Variants in EIF3H observed in about 807,000 individuals in gnomAD.
EIF3H encodes the protein eukaryotic translation initiation factor 3 subunit H.
EIF3H carries 26 observed loss-of-function variants against 44.2 expected under a neutral mutation model. The ratio of observed to expected loss-of-function variants is 0.59; its 90% CI spans 0.43 to 0.82. The LOEUF is 0.82. Among genes scored for constraint, EIF3H ranks in the 40% least tolerant of loss-of-function variants. EIF3H has a pLI of 0.00. For synonymous variants in EIF3H, 166 were observed against 151.9 expected (o/e 1.09, Z -0.68); for missense variants, 359 against 432.8 (o/e 0.83, Z 1.51).
rs903871543 is a variant in EIF3H at position 116,746,771 on chromosome 8, T to C, written c.132+8895A>G. 5.3e-5 allele frequency among the ~76,000 whole-genome samples: 8 copies of C among 152,170 alleles called. 1 individual carries two copies. The highest frequency in any genetic ancestry group is 4.6e-4 in the Admixed American group (7 of 15,282). ...TACTTGCCTAAGCAAAAAATATAAC[T>C]AAGCAATCAAAATGTCAGACTGCAT... On this transcript the variant is annotated intron_variant, in intron 1 of 7. Transcript: ENST00000521861.
intron 2 of EIF3H, among the ~76,000 whole-genome samples, chr8:116,717,529 T>C (rs1001661530): frequency 6.6e-6 from 1 of 152,088 alleles, no homozygotes; most frequent in African/African-American, 2.4e-5. Flanking sequence ...CAAAACAGTA[T>C]GGTACTGGTA....
At chr8:116,667,611 T>A (rs1354450531) in intron 2 of EIF3H, among the ~76,000 whole-genome samples, 5 of 152,196 alleles carry the variant, frequency 3.3e-5, no homozygotes, top group African/African-American at 1.2e-4. Flanking sequence ...CTATCAGAAG[T>A]GAGCACTAAA....
At chr8:116,760,148 AC>A (rs1309033764), upstream of EIF3H, among the ~76,000 whole-genome samples, 1 of 152,036 alleles carries the variant, frequency 6.6e-6, no homozygotes, top group Non-Finnish European at 1.5e-5. Flanking sequence ...TTACTTCATG[AC>A]TCTCTGGACT....
chr8:116,700,066 A>G (rs1052625944), intron 2 of EIF3H, among the ~76,000 whole-genome samples: 2 of 152,310 alleles, frequency 1.3e-5, no homozygotes, highest in African/African-American at 2.4e-5. Context: ...TTGGCCTCCC[A>G]AAGTGTTGGG....
chr8:116,664,299 T>G (rs1813631485), intron 2 of EIF3H, among the ~76,000 whole-genome samples: 1 of 152,210 alleles, frequency 6.6e-6, no homozygotes, highest in Non-Finnish European at 1.5e-5. Context: ...GCCACATTTG[T>G]TGGGCTTTCT....
At position 116,755,649 on chromosome 8, in the gene EIF3H, A is replaced by G; in HGVS notation, c.132+17T>C. 1.2e-6 allele frequency: 2 copies of G among 1,613,916 alleles called. No homozygotes were observed. The highest frequency in any genetic ancestry group is 1.7e-6 in the Non-Finnish European group (2 of 1,179,902). On this transcript the variant is annotated intron_variant, in intron 1 of 7. Coordinates refer to ENST00000521861, the MANE Select transcript of EIF3H (RefSeq NM_003756.3). ...TGCGCTCCCCACGTGGGCCAGAGGAAAAAGAACAGCACTCACAAGGCCATC... is the reference window on the plus strand; with the variant it reads ...TGCGCTCCCCACGTGGGCCAGAGGAGAAAGAACAGCACTCACAAGGCCATC...
chr8:116,748,321 TAACCA>T (rs1245488270), intron 1 of EIF3H, among the ~76,000 whole-genome samples: 1 of 152,160 alleles, frequency 6.6e-6, no homozygotes, highest in Non-Finnish European at 1.5e-5. Context: ...ACAAAAAATT[TAACCA>T]AACAACACAA....
intron 2 of EIF3H, among the ~76,000 whole-genome samples, chr8:116,718,965 A>G (rs1223115234): frequency 6.6e-6 from 1 of 152,110 alleles, no homozygotes; most frequent in Admixed American, 6.6e-5. Context: ...TGAAAATGCT[A>G]ATTGTGATAA....
At chr8:116,653,942 T>C (rs1190556215) in intron 5 of EIF3H, among the ~76,000 whole-genome samples, 1 of 152,246 alleles carries the variant, frequency 6.6e-6, no homozygotes, top group Admixed American at 6.5e-5. Flanking sequence ...TTTAAGCACC[T>C]GCATAAGAAT....
intron 2 of EIF3H, among the ~76,000 whole-genome samples, chr8:116,723,617 G>C (rs1814788807): frequency 6.6e-6 from 1 of 152,106 alleles, no homozygotes; most frequent in Non-Finnish European, 1.5e-5. Flanking sequence ...ATATGCTCAA[G>C]GTACTATGAA....
chr8:116,686,466 T>C (rs1200063173), intron 2 of EIF3H, among the ~76,000 whole-genome samples: 1 of 152,174 alleles, frequency 6.6e-6, no homozygotes, highest in Non-Finnish European at 1.5e-5. Context: ...TGTGGAAAGA[T>C]AGTCATCAGT....
chr8:116,700,104 C>T (rs1799036779), intron 2 of EIF3H, among the ~76,000 whole-genome samples: 1 of 152,144 alleles, frequency 6.6e-6, no homozygotes, highest in South Asian at 2.1e-4. Flanking sequence ...CCGTGCCCGG[C>T]CGTAGGTTTT....
chr8:116,755,586 A>G (rs1815426830), intron 1 of EIF3H, 80 bp downstream of exon 1: 1 of 1,588,830 alleles, frequency 6.3e-7, no homozygotes, highest in Admixed American at 1.7e-5. Flanking sequence ...AAGGGGGAGA[A>G]TGCTAGAAAG....
At chr8:116,730,820 C>A (rs1400813942) in intron 1 of EIF3H, among the ~76,000 whole-genome samples, 2 of 152,182 alleles carry the variant, frequency 1.3e-5, no homozygotes, top group East Asian at 3.8e-4. Context: ...AAACACTTAT[C>A]ACTTATGATA....
chr8:116,763,583 G>A (rs1815540566), intron 1 of EIF3H, among the ~76,000 whole-genome samples: 2 of 152,064 alleles, frequency 1.3e-5, no homozygotes, highest in Non-Finnish European at 2.9e-5. Context: ...CTATCCTAGG[G>A]GATCTTAGCG....
chr8:116,748,535 T>G (rs562189261), intron 1 of EIF3H, among the ~76,000 whole-genome samples: 1 of 152,358 alleles, frequency 6.6e-6, no homozygotes, highest in South Asian at 2.1e-4. Flanking sequence ...TCTTCATGAT[T>G]GATTTTCAAG....
At chr8:116,710,187 G>A (rs1218524782) in intron 2 of EIF3H, among the ~76,000 whole-genome samples, 1 of 152,144 alleles carries the variant, frequency 6.6e-6, no homozygotes, top group Non-Finnish European at 1.5e-5. Flanking sequence ...TCACATGACA[G>A]GCTTTATCAG....
intron 2 of EIF3H, among the ~76,000 whole-genome samples, chr8:116,712,448 A>G (rs537169225): frequency 6.6e-6 from 1 of 152,360 alleles, no homozygotes. Flanking sequence ...GGGTAAGGAA[A>G]GAGGGAGACG....
intron 2 of EIF3H, among the ~76,000 whole-genome samples, chr8:116,692,139 T>C (rs984766597): frequency 6.6e-6 from 1 of 152,204 alleles, no homozygotes; most frequent in Non-Finnish European, 1.5e-5. Flanking sequence ...CTTTTACTTA[T>C]TGGACTGAAC....
Sources: allele counts gnomAD v4.1 joint callset (sites outside exome capture counted in the v4.1 genomes callset), GRCh38; gene constraint gnomAD v4.1.1; transcripts MANE v1.5; gene names NCBI Gene and HGNC (gene_info 2026-07-23, HGNC 2026-07-21).